The following SOS2 variants were observed in gnomAD, a reference collection of about 807,000 sequenced individuals.
SOS2 encodes son of sevenless homolog 2.
A neutral mutation model predicts 148.2 loss-of-function variants in SOS2; 65 were observed. The ratio of observed to expected loss-of-function variants is 0.44; its 90% CI spans 0.36 to 0.54. The LOEUF is 0.54. SOS2 is among the 20% of genes least tolerant of loss of function. SOS2 has a pLI of 0.00. For missense variants in SOS2, 1,341 were observed against 1,590.2 expected, an observed-to-expected ratio of 0.84 and a Z score of 2.67; for synonymous variants, 539 against 537.1, an observed-to-expected ratio of 1.00 and a Z score of -0.05.
At chr14:50,125,030 C>CA (rs1883638257) in intron 21 of SOS2, among the ~76,000 whole-genome samples, 1 of 152,070 alleles carries the variant, frequency 6.6e-6, no homozygotes, top group African/African-American at 2.4e-5. Flanking sequence ...TGTGTTCCCC[C>CA]AAAGATATGA....
chr14:50,135,071 C>CAAAAAAAAAAA (rs746540364), intron 18 of SOS2, among the ~76,000 whole-genome samples: 2 of 57,514 alleles, frequency 3.5e-5, no homozygotes, highest in Non-Finnish European at 6.7e-5. Flanking sequence ...GAGACTGTCT[C>CAAAAAAAAAAA]AAAAAAAAAA....
At chr14:50,202,359 T>A (rs780509853) in intron 2 of SOS2, among the ~76,000 whole-genome samples, 2 of 152,218 alleles carry the variant, frequency 1.3e-5, no homozygotes, top group East Asian at 3.9e-4. Flanking sequence ...GGGTTTCCTA[T>A]ATTTATAGTT....
chr14:50,131,633 T>C (rs1406701411), intron 19 of SOS2, among the ~76,000 whole-genome samples: 2 of 151,874 alleles, frequency 1.3e-5, no homozygotes, highest in Non-Finnish European at 2.9e-5. Context: ...AGAATCCCTA[T>C]CAGAGGAACA....
At chr14:50,191,489 T>G (rs1886136813) in intron 4 of SOS2, among the ~76,000 whole-genome samples, 1 of 152,056 alleles carries the variant, frequency 6.6e-6, no homozygotes. Context: ...AAAACACATA[T>G]AAACCCCCCA....
intron 21 of SOS2, among the ~76,000 whole-genome samples, chr14:50,126,869 G>A (rs1317971384): frequency 6.8e-6 from 1 of 147,222 alleles, no homozygotes; most frequent in Non-Finnish European, 1.5e-5. Context: ...TCGAACACTC[G>A]AATCTCTAAA....
In SOS2 at chr14:50,157,057, G is replaced by A; in HGVS notation, c.1999C>T (p.Pro667Ser). The change falls in exon 12 of 23, where the codon CCA (proline) becomes TCA (serine). Residue 667 changes from proline (P) to serine (S), a missense_variant. This residue lies in a region of SOS2 where 408 missense variants were observed against 506.6 expected (regional missense o/e 0.81). Transcript: ENST00000216373. Reference protein sequence around the residue: ...DKLAIEKGEQPISADLKRFRK... With the variant: ...DKLAIEKGEQSISADLKRFRK... The stretch of plus-strand genomic sequence containing the variant: ...AATCTTTTAAGGTCTGCACTGATTG[G>A]CTGCTCGCCTTTCTCTATTGCCAAT... The A allele has an allele frequency of 6.2e-7, 1 of 1,612,354 alleles. No homozygotes were observed. The highest frequency in any genetic ancestry group is 8.5e-7 in the Non-Finnish European group (1 of 1,178,992).
chr14:50,214,700 CTTTTTTTT>C (rs755314459), intron 1 of SOS2, among the ~76,000 whole-genome samples: 7 of 131,226 alleles, frequency 5.3e-5, no homozygotes, highest in African/African-American at 1.6e-4. Flanking sequence ...AAGGCCGTTT[CTTTTTTTT>C]TTTTTTTTTC....
intron 7 of SOS2, 41 bp downstream of exon 7, chr14:50,180,529 TTA>T: frequency 1.4e-6 from 1 of 717,726 alleles, no homozygotes; most frequent in Non-Finnish European, 2.2e-6. Flanking sequence ...TTTATTTGCT[TTA>T]TTAAAAAAAA....
Position 50,231,330 on chromosome 14 carries a change from G to GC in SOS2, c.-48dup. On this transcript the variant is annotated 5_prime_UTR_variant, in exon 1 of 23. Coordinates refer to ENST00000216373, the MANE Select transcript of SOS2 (RefSeq NM_006939.4). ...GCATCGGGGGCAGCCCGCGGGCCGG[G>GC]CCGGTGGCCTGACAGGCAGGGCGCG... 1 of 1,087,050 alleles carries GC rather than the reference G, an allele frequency of 9.2e-7. No individual in the cohort carries two copies. The highest frequency in any genetic ancestry group is 1.2e-6 in the Non-Finnish European group (1 of 837,502). 67.3% of individuals were successfully genotyped at this position (1,087,050 alleles called of 1,614,324 possible).
Position 50,174,566 on chromosome 14 carries a change from A to T in SOS2, c.970-14T>A, listed in dbSNP as rs758285778. ...ATCAGCAATGGACTGCAAAGCAAAA[A>T]GATATCACAGTATGTATGTCTCTGA... On this transcript the variant is annotated splice_polypyrimidine_tract_variant and intron_variant, in intron 7 of 22. Coordinates refer to ENST00000216373, the MANE Select transcript of SOS2 (RefSeq NM_006939.4). The T allele has an allele frequency of 3.3e-6, 5 of 1,507,230 alleles. No individual in the cohort carries two copies. Among genetic ancestry groups the T allele is most frequent in the Non-Finnish European group, 4.6e-6 (5 of 1,086,880 alleles). The allele number at this position is 1,507,230 out of a possible 1,614,324, so 93.4% of individuals were successfully genotyped here.
chr14:50,204,904 C>CTTTTCTTTTT (rs1555322753), intron 1 of SOS2, among the ~76,000 whole-genome samples: 2 of 144,230 alleles, frequency 1.4e-5, no homozygotes, highest in African/African-American at 5.1e-5. Flanking sequence ...TTTTTTCTTT[C>CTTTTCTTTTT]TTTTTTTTTT....
chr14:50,193,118 A>C (rs985705778), intron 4 of SOS2, among the ~76,000 whole-genome samples: 2 of 151,952 alleles, frequency 1.3e-5, no homozygotes, highest in Non-Finnish European at 2.9e-5. Context: ...GGGATGCACC[A>C]CCACACCCAG....
At chr14:50,135,428 G>GA (rs1441726094) in intron 18 of SOS2, among the ~76,000 whole-genome samples, 1 of 151,274 alleles carries the variant, frequency 6.6e-6, no homozygotes, top group African/African-American at 2.4e-5. Context: ...AAAAGAAAAA[G>GA]AAACAGTAAT....
At chr14:50,226,789 A>T (rs571286933) in intron 1 of SOS2, among the ~76,000 whole-genome samples, 33 of 152,342 alleles carry the variant, frequency 2.2e-4, no homozygotes, top group Non-Finnish European at 3.4e-4. Context: ...AATATCAGGG[A>T]CTGTAAAATC....
intron 7 of SOS2, among the ~76,000 whole-genome samples, chr14:50,177,162 A>G (rs1380810052): frequency 6.6e-6 from 1 of 152,148 alleles, no homozygotes; most frequent in African/African-American, 2.4e-5. Flanking sequence ...TACCAAAAAA[A>G]TACCAAAATT....
chr14:50,198,853 C>T (rs760009971), intron 4 of SOS2, among the ~76,000 whole-genome samples: 1 of 152,144 alleles, frequency 6.6e-6, no homozygotes, highest in Non-Finnish European at 1.5e-5. Flanking sequence ...ACAAAGATTG[C>T]TATGTTATTC....
At chr14:50,221,797 C>CACTG (rs1429701932) in intron 1 of SOS2, among the ~76,000 whole-genome samples, 1 of 152,052 alleles carries the variant, frequency 6.6e-6, no homozygotes, top group Non-Finnish European at 1.5e-5. Context: ...ATGATCATGC[C>CACTG]ACTGTACTCC....
chr14:50,184,351 T>C (rs898227505), intron 5 of SOS2, among the ~76,000 whole-genome samples: 1 of 152,224 alleles, frequency 6.6e-6, no homozygotes, highest in African/African-American at 2.4e-5. Flanking sequence ...ACATGTGGTA[T>C]AATATGAAAC....
chr14:50,165,821 T>G (rs974430509), intron 8 of SOS2, among the ~76,000 whole-genome samples: 3 of 151,662 alleles, frequency 2.0e-5, no homozygotes, highest in Non-Finnish European at 4.4e-5. Flanking sequence ...TTAGCTTATT[T>G]AATTTTTATT....
Sources: gnomAD v4.1 joint callset for allele counts (sites outside exome capture counted in the v4.1 genomes callset) on GRCh38, gnomAD v4.1.1 for gene constraint, gnomAD v4.1.1 regional missense constraint, MANE v1.5 for transcripts, NCBI Gene and HGNC (gene_info 2026-07-23, HGNC 2026-07-21) for gene names.